REXO1: variants seen among roughly 807,000 people sequenced by gnomAD.
REXO1 encodes the protein REX1, RNA exonuclease 1 homolog.
A neutral mutation model predicts 102.6 loss-of-function variants in REXO1; 42 were observed. The ratio of observed to expected loss-of-function variants is 0.41; its 90% CI spans 0.32 to 0.53. REXO1 has a LOEUF of 0.53. Ranked by LOEUF, REXO1 falls within the 20% of genes least tolerant of loss-of-function variation. The probability of loss-of-function intolerance (pLI) is 0.27; values close to 1 mark genes in which losing one functional copy is unlikely to be tolerated. For missense variants in REXO1, 1,819 were observed against 1,732.5 expected (o/e 1.05, Z -0.89); for synonymous variants, 908 against 779.1 (o/e 1.17, Z -2.76).
At chr19:1,840,210 C>T (rs577928659) in intron 1 of REXO1, among the ~76,000 whole-genome samples, 1 of 152,330 alleles carries the variant, frequency 6.6e-6, no homozygotes, top group East Asian at 1.9e-4. Context: ...TTCTGAGCAC[C>T]CCAGCGTCGA....
intron 1 of REXO1, among the ~76,000 whole-genome samples, chr19:1,833,659 C>T (rs1407657542): frequency 6.6e-6 from 1 of 152,192 alleles, no homozygotes; most frequent in Non-Finnish European, 1.5e-5. Flanking sequence ...GGGCGCCCTC[C>T]CGGCCCACTT....
intron 1 of REXO1, among the ~76,000 whole-genome samples, chr19:1,836,612 G>A (rs1448083331): frequency 3.3e-5 from 5 of 152,104 alleles, no homozygotes; most frequent in South Asian, 4.2e-4. Flanking sequence ...CGGGCGTGGC[G>A]GCAGGCGCCT....
chr19:1,817,593 G>C, intron 11 of REXO1, 114 bp downstream of exon 11: 2 of 1,427,308 alleles, frequency 1.4e-6, no homozygotes, highest in South Asian at 2.7e-5. Context: ...AAGGCTGCCC[G>C]GGGGCCCAGA....
At chr19:1,834,516 C>T (rs1019123298) in intron 1 of REXO1, among the ~76,000 whole-genome samples, 1 of 152,130 alleles carries the variant, frequency 6.6e-6, no homozygotes, top group Non-Finnish European at 1.5e-5. Context: ...CCGGCTCCAG[C>T]GATCCTCCCG....
At chr19:1,825,299 C>CAAAAAAAAAAAAAAA (rs34910037) in intron 3 of REXO1, among the ~76,000 whole-genome samples, 1 of 61,194 alleles carries the variant, frequency 1.6e-5, no homozygotes, top group Admixed American at 2.0e-4. Flanking sequence ...GACTCCGTCT[C>CAAAAAAAAAAAAAAA]AAAAAAAAAA....
At chr19:1,843,472 C>T (rs961287611) in intron 1 of REXO1, among the ~76,000 whole-genome samples, 4 of 152,192 alleles carry the variant, frequency 2.6e-5, no homozygotes, top group Admixed American at 2.0e-4. Context: ...CATCCTACAA[C>T]GCAAAGGACA....
chr19:1,821,455 A>G, intron 5 of REXO1, 64 bp downstream of exon 5: 4 of 1,599,594 alleles, frequency 2.5e-6, no homozygotes, highest in South Asian at 1.1e-5. Context: ...CGCAGGTCCC[A>G]TGTGGCCGGG....
chr19:1,828,288 G>A lies in REXO1; in HGVS notation c.501C>T (p.Pro167=), dbSNP rs1485268741. The A allele has an allele frequency of 1.9e-6, 3 of 1,607,290 alleles. No homozygotes were observed. Among genetic ancestry groups the A allele is most frequent in the Non-Finnish European group, 2.5e-6 (3 of 1,176,860 alleles). ...GLLSPDAGYQ[P]TPLAAPAEPG... The stretch of plus-strand genomic sequence containing the variant: ...GCTCGGCAGGGGCGGCCAGTGGGGT[G>A]GGCTGGTAGCCGGCATCAGGGCTTA... Residue 167 remains proline, a synonymous_variant, in exon 2 of 16, where the codon CCC becomes CCT. Coordinates refer to ENST00000170168, the MANE Select transcript of REXO1 (RefSeq NM_020695.4).
chr19:1,818,459 G>A (rs746926806), intron 10 of REXO1, 23 bp downstream of exon 10: 2 of 1,552,790 alleles, frequency 1.3e-6, no homozygotes, highest in Non-Finnish European at 1.7e-6. Context: ...GTGGGAAGGG[G>A]AAGGACCCGG....
In REXO1 at chr19:1,818,538, C is replaced by A. The variant is rs748224350; in HGVS notation, c.2960G>T (p.Arg987Leu). The change falls in exon 10 of 16, where the codon CGC becomes CTC. Residue 987 changes from arginine (R) to leucine (L), a missense_variant. Transcript: ENST00000170168. ...ATAACACTCCTCGTCCCGGATGCAG[C>A]GGCCTGAAGAGGACACGAGGTACTC... ...GTEYLVSSSGRCIRDEECYYH... is the reference protein window; with the variant it reads ...GTEYLVSSSGLCIRDEECYYH... The A allele has an allele frequency of 6.2e-7, 1 of 1,611,958 alleles. No individual in the cohort carries two copies. Among genetic ancestry groups the A allele is most frequent in the Non-Finnish European group, 8.5e-7 (1 of 1,179,650 alleles).
At position 1,848,426 on chromosome 19, in the gene REXO1, G is replaced by A. The variant is rs1263066788; in HGVS notation, c.-68C>T. 2.5e-5 allele frequency: 28 copies of A among 1,102,012 alleles called. No homozygotes were observed. The highest frequency in any genetic ancestry group is 3.0e-5 in the Non-Finnish European group (27 of 898,950). 68.3% of individuals were successfully genotyped at this position (1,102,012 alleles called of 1,614,324 possible). ...CCCAGGGCCCCCTCACTGGCGCCGCGGTCGCCGCCGCCCGCGCCTCACGGA... is the reference window on the plus strand; with the variant it reads ...CCCAGGGCCCCCTCACTGGCGCCGCAGTCGCCGCCGCCCGCGCCTCACGGA... On this transcript the variant is annotated 5_prime_UTR_variant, in exon 1 of 16. Coordinates refer to ENST00000170168, the MANE Select transcript of REXO1 (RefSeq NM_020695.4).
In REXO1 at chr19:1,826,874, T is replaced by A. The variant is rs775891836; in HGVS notation, c.1911+4A>T. On this transcript the variant is annotated splice_donor_region_variant and intron_variant, in intron 2 of 15. Transcript: ENST00000170168. The surrounding 1 kb of genome is among the most constrained non-coding windows in gnomAD (Gnocchi z 4.3). ...AGCCCAGCCCCAGCACCCGCGCGCC[T>A]CACCTGCCGGGCCAGCCGGCCTCTG... 1 of 1,569,764 alleles carries A rather than the reference T, an allele frequency of 6.4e-7. No homozygotes were observed. The highest frequency in any genetic ancestry group is 1.2e-5 in the South Asian group (1 of 85,832).
rs1011780926 is a variant in REXO1 at position 1,826,627 on chromosome 19, C to G, written c.1911+251G>C. On this transcript the variant is annotated intron_variant, in intron 2 of 15. Coordinates refer to ENST00000170168, the MANE Select transcript of REXO1 (RefSeq NM_020695.4). The surrounding 1 kb of genome is among the most constrained non-coding windows in gnomAD (Gnocchi z 4.3). ...AGTCAGTGGGAACAGACCGTGTGCACGTGGCCACAGAAGCCTGGCTGGTGG... is the reference window on the plus strand; with the variant it reads ...AGTCAGTGGGAACAGACCGTGTGCAGGTGGCCACAGAAGCCTGGCTGGTGG... Among the ~76,000 whole-genome samples the G allele has an allele frequency of 1.9e-4, 29 of 152,088 alleles. No homozygotes were observed. In the East Asian group the frequency reaches 3.3e-3, roughly 17 times the overall value.
chr19:1,820,202 G>C (rs1365866348), intron 6 of REXO1, 62 bp downstream of exon 6: 2 of 1,568,478 alleles, frequency 1.3e-6, no homozygotes, highest in Non-Finnish European at 8.6e-7. Context: ...GGGGATGTCT[G>C]GGGACCACCC....
chr19:1,820,588 C>CTCT (rs1464591389), intron 5 of REXO1, among the ~76,000 whole-genome samples, 193 bp from the exon 6 acceptor site: 17 of 152,162 alleles, frequency 1.1e-4, no homozygotes, highest in Admixed American at 1.1e-3. Flanking sequence ...GGCAGCGGAA[C>CTCT]TAAGGTCATG....
At position 1,827,101 on chromosome 19, in the gene REXO1, G is replaced by C; in HGVS notation, c.1688C>G (p.Ala563Gly). Reference sequence around the variant, plus strand: ...CTTGAGCCGCTTGGGCGGCCCCTGCGCCTCCGGGAAGCCCAGGCTGGAGTC... The same window carrying C: ...CTTGAGCCGCTTGGGCGGCCCCTGCCCCTCCGGGAAGCCCAGGCTGGAGTC... ...DSDSSLGFPEAQGPPKRLKAS... is the reference protein window; with the variant it reads ...DSDSSLGFPEGQGPPKRLKAS... The change falls in exon 2 of 16, where the codon GCG (alanine) becomes GGG (glycine). Residue 563 changes from alanine to glycine, a missense_variant. Ala to Gly is a moderately conservative substitution (Grantham distance 60). Coordinates refer to ENST00000170168, the MANE Select transcript of REXO1 (RefSeq NM_020695.4). 1 of 1,541,420 alleles carries C rather than the reference G, an allele frequency of 6.5e-7. No homozygotes were observed. The highest frequency in any genetic ancestry group is 8.7e-7 in the Non-Finnish European group (1 of 1,145,486).
chr19:1,830,241 G>A (rs2069865900), intron 1 of REXO1, among the ~76,000 whole-genome samples: 1 of 152,230 alleles, frequency 6.6e-6, no homozygotes, highest in Non-Finnish European at 1.5e-5. Flanking sequence ...AGGCACAGTG[G>A]CTCACGCCGA....
rs1435593660 is a variant in REXO1, at chr19:1,826,464, A to C, written c.1911+414T>G. On this transcript the variant is annotated intron_variant, in intron 2 of 15. Coordinates refer to ENST00000170168, the MANE Select transcript of REXO1 (RefSeq NM_020695.4). The surrounding 1 kb of genome is among the most constrained non-coding windows in gnomAD (Gnocchi z 4.3). Reference sequence around the variant, plus strand: ...GAGGAGACAGAGGAGCTGGAAGAGAAGAGACAGAGATGGGGGAAGGGAGGA... The same window carrying C: ...GAGGAGACAGAGGAGCTGGAAGAGACGAGACAGAGATGGGGGAAGGGAGGA... Among the ~76,000 whole-genome samples the C allele has an allele frequency of 7.1e-6, 1 of 140,706 alleles. No homozygotes were observed. The highest frequency in any genetic ancestry group is 1.5e-5 in the Non-Finnish European group (1 of 65,196). The allele number at this position is 140,706 out of a possible 152,430, so 92.3% of individuals were successfully genotyped here.
chr19:1,846,001 C>A (rs1159520996), intron 1 of REXO1, among the ~76,000 whole-genome samples: 1 of 152,238 alleles, frequency 6.6e-6, no homozygotes, highest in Admixed American at 6.5e-5. Flanking sequence ...GGTCACCATG[C>A]AGCGCGTGTC....
Sources: gnomAD v4.1 joint callset for allele counts (sites outside exome capture counted in the v4.1 genomes callset) on GRCh38, gnomAD v4.1.1 for gene constraint, Gnocchi (gnomAD v3.1) non-coding constraint, MANE v1.5 for transcripts, NCBI Gene and HGNC (gene_info 2026-07-23, HGNC 2026-07-21) for gene names.